Variants in ADAMTSL3 observed in about 807,000 individuals in gnomAD.
ADAMTSL3 encodes the protein ADAMTS like 3, also known as ADAMTS-like protein 3.
ADAMTSL3 carries 128 observed loss-of-function variants against 201.7 expected under a neutral mutation model. The observed-to-expected ratio is 0.63, with a 90% CI of 0.55 to 0.73. The LOEUF (loss-of-function observed/expected upper bound fraction) is 0.73, where lower values mean the gene tolerates loss of function less well. ADAMTSL3 is among the 30% of genes least tolerant of loss of function. The pLI, the probability that ADAMTSL3 is intolerant of heterozygous loss-of-function variation, is 0.00. For synonymous variants in ADAMTSL3, 738 were observed against 748.4 expected (o/e 0.99, Z 0.23); for missense variants, 1,990 against 2,119.6 (o/e 0.94, Z 1.20).
At chr15:84,024,846 T>A (rs1033936827) in intron 26 of ADAMTSL3, among the ~76,000 whole-genome samples, 2 of 152,240 alleles carry the variant, frequency 1.3e-5, no homozygotes, top group African/African-American at 4.8e-5. Flanking sequence ...AACATGTAAG[T>A]ATCTTGCAGG....
intron 16 of ADAMTSL3, among the ~76,000 whole-genome samples, chr15:83,918,681 C>A (rs924705693): frequency 6.6e-6 from 1 of 152,090 alleles, no homozygotes; most frequent in Non-Finnish European, 1.5e-5. Flanking sequence ...AAGGCAGAGG[C>A]CAGACAATTA....
intron 19 of ADAMTSL3, among the ~76,000 whole-genome samples, chr15:83,951,072 A>G (rs1385523063): frequency 2.6e-5 from 4 of 151,628 alleles, no homozygotes; most frequent in Non-Finnish European, 5.9e-5. Context: ...CAGTGGCGAA[A>G]GTGAGCATCC....
chr15:83,977,461 A>C (rs1366908382), intron 20 of ADAMTSL3, among the ~76,000 whole-genome samples: 1 of 152,202 alleles, frequency 6.6e-6, no homozygotes. Flanking sequence ...ATTAACCTAG[A>C]GTTGTTAGTT....
Position 83,943,041 on chromosome 15 carries a change from A to G in ADAMTSL3, c.2449A>G (p.Thr817Ala). Residue 817 changes from threonine to alanine, a missense_variant, in exon 19 of 30, where the codon ACA becomes GCA. Physicochemically the swap from Thr to Ala is moderately conservative, Grantham distance 58. Transcript: ENST00000286744. ...ATCGTCTCACAAGTCCTGTGCCAGGACAGACTGTCCTCCACATTTAGCTGT... is the reference window on the plus strand; with the variant it reads ...ATCGTCTCACAAGTCCTGTGCCAGGGCAGACTGTCCTCCACATTTAGCTGT... Reference protein sequence around the residue: ...KASSHKSCARTDCPPHLAVGD... With the variant: ...KASSHKSCARADCPPHLAVGD... The G allele has an allele frequency of 1.2e-6, 2 of 1,613,988 alleles. No individual in the cohort carries two copies. Among genetic ancestry groups the G allele is most frequent in the Non-Finnish European group, 8.5e-7 (1 of 1,179,900 alleles).
At chr15:83,741,403 G>A (rs1352515358) in intron 3 of ADAMTSL3, among the ~76,000 whole-genome samples, 1 of 151,936 alleles carries the variant, frequency 6.6e-6, no homozygotes, top group Non-Finnish European at 1.5e-5. Context: ...CTCAACAGCT[G>A]TCATGAAGGC....
At chr15:83,795,026 G>T (rs2063401213) in intron 4 of ADAMTSL3, among the ~76,000 whole-genome samples, 1 of 151,820 alleles carries the variant, frequency 6.6e-6, no homozygotes, top group African/African-American at 2.4e-5. Context: ...CTAATTTTTT[G>T]TATTTTTAGT....
intron 19 of ADAMTSL3, among the ~76,000 whole-genome samples, chr15:83,958,849 C>T (rs1354650713): frequency 6.6e-6 from 1 of 151,930 alleles, no homozygotes; most frequent in African/African-American, 2.4e-5. Context: ...GTAAATTTCT[C>T]AGAATGTAGA....
rs2068553506 is a variant in ADAMTSL3, at chr15:84,038,770, A to G, written c.*964A>G. 1 of 152,360 alleles carries G rather than the reference A, an allele frequency of 6.6e-6. No homozygotes were observed. Among genetic ancestry groups the G allele is most frequent in the South Asian group, 2.1e-4 (1 of 4,830 alleles). The allele number at this position is 152,360 out of a possible 1,614,324, so 9.4% of individuals were successfully genotyped here. ...TTTGGGCTGATTTTTCAGTAAATCC[A>G]AAGTGACTTAGGTTAGAAGTTACAC... On this transcript the variant is annotated 3_prime_UTR_variant, in exon 30 of 30. Coordinates refer to ENST00000286744, the MANE Select transcript of ADAMTSL3 (RefSeq NM_207517.3).
chr15:84,025,340 G>A lies in ADAMTSL3; in HGVS notation c.4560G>A (p.Gln1520=), dbSNP rs2141922067. The change falls in exon 27 of 30, where the codon CAG becomes CAA. Residue 1520 remains glutamine, a synonymous_variant. Transcript: ENST00000286744. ...CKRTKANGTV[Q]VVSPRACAPK... ...GGACAAAAGCCAATGGAACTGTGCA[G>A]GTGGTGTCTCCAAGAGCATGTGCCC... is the stretch of plus-strand genomic sequence containing the variant. 6.2e-7 allele frequency: 1 copy of A among 1,614,202 alleles called. No individual in the cohort carries two copies. Among genetic ancestry groups the A allele is most frequent in the East Asian group, 2.2e-5 (1 of 44,882 alleles).
intron 19 of ADAMTSL3, among the ~76,000 whole-genome samples, chr15:83,958,050 A>G (rs2097075694): frequency 6.6e-6 from 1 of 152,240 alleles, no homozygotes; most frequent in African/African-American, 2.4e-5. Context: ...CAAAAGTAAT[A>G]TAAGTAGGTG....
intron 7 of ADAMTSL3, among the ~76,000 whole-genome samples, chr15:83,850,864 A>G (rs1325206775): frequency 1.3e-5 from 2 of 152,190 alleles, no homozygotes; most frequent in African/African-American, 2.4e-5. Flanking sequence ...CTTGCAGGAC[A>G]GTGAAGAAAT....
In ADAMTSL3 at chr15:83,878,391, GGATCACGAGGTCAGGA is replaced by G. The variant is rs1200228996; in HGVS notation, c.961-6706_961-6691del. Among the ~76,000 whole-genome samples, 22 of 152,230 alleles carry G rather than the reference GGATCACGAGGTCAGGA, an allele frequency of 1.4e-4. 1 individual carries two copies. Among genetic ancestry groups the G allele is most frequent in the African/African-American group, 4.8e-4 (20 of 41,532 alleles). ...AACATTTTTGGAGGCCAAGGCAGGC[GGATCACGAGGTCAGGA>G]GATTGAGACCAGCCTGGCTAACACG... On this transcript the variant is annotated intron_variant, in intron 9 of 29. Coordinates refer to ENST00000286744, the MANE Select transcript of ADAMTSL3 (RefSeq NM_207517.3).
intron 15 of ADAMTSL3, among the ~76,000 whole-genome samples, chr15:83,903,930 A>AGGGAGGGAGGGAGGGAGGGAGG (rs1567226029): frequency 1.8e-4 from 5 of 27,230 alleles, no homozygotes; most frequent in South Asian, 1.2e-3. Flanking sequence ...AAAAAAAAAA[A>AGGGAGGGAGGGAGGGAGGGAGG]AAAAAAAAAA....
chr15:83,897,487 G>T (rs1024329709), intron 13 of ADAMTSL3, among the ~76,000 whole-genome samples: 2 of 152,104 alleles, frequency 1.3e-5, no homozygotes, highest in Non-Finnish European at 2.9e-5. Context: ...GTTCAGAAAG[G>T]TTTCATTCGT....
chr15:83,826,685 G>A (rs913368114), intron 6 of ADAMTSL3, among the ~76,000 whole-genome samples: 13 of 123,650 alleles, frequency 1.1e-4, no homozygotes, highest in East Asian at 4.7e-4. Flanking sequence ...AACAGGACCC[G>A]GTGTGTGATG....
chr15:83,779,236 C>T (rs904264057), intron 4 of ADAMTSL3, among the ~76,000 whole-genome samples: 3 of 152,112 alleles, frequency 2.0e-5, no homozygotes, highest in African/African-American at 7.2e-5. Flanking sequence ...ATATTCAGGA[C>T]CTGAACTCAG....
chr15:83,837,345 TATTTA>T (rs1030496612), intron 6 of ADAMTSL3, among the ~76,000 whole-genome samples: 15 of 151,924 alleles, frequency 9.9e-5, no homozygotes, highest in African/African-American at 3.4e-4. Context: ...AAAAAAAAGA[TATTTA>T]AAGTAAAACT....
intron 6 of ADAMTSL3, among the ~76,000 whole-genome samples, chr15:83,822,319 G>A (rs1322793316): frequency 3.4e-5 from 5 of 148,508 alleles, no homozygotes; most frequent in Admixed American, 6.6e-5. Flanking sequence ...CTTCTCAGAC[G>A]GGGCGGCTGC....
At chr15:83,885,266 G>T (rs8028931) in intron 10 of ADAMTSL3, 54 bp downstream of exon 10, 3 of 1,366,218 alleles carry the variant, frequency 2.2e-6, no homozygotes, top group Non-Finnish European at 3.1e-6. Context: ...AGATAAATTA[G>T]ACATTTACAT....
Sources: gnomAD v4.1 joint callset for allele counts (sites outside exome capture counted in the v4.1 genomes callset) on GRCh38, gnomAD v4.1.1 for gene constraint, MANE v1.5 for transcripts, NCBI Gene and HGNC (gene_info 2026-07-23, HGNC 2026-07-21) for gene names.